Variants in LRRTM4 observed in about 807,000 individuals in gnomAD.
LRRTM4 encodes the protein leucine-rich repeat transmembrane neuronal protein 4.
In LRRTM4, 25 loss-of-function variants were observed where a neutral mutation model predicts 47.6. That is an observed-to-expected ratio of 0.53 (90% CI 0.38 to 0.73). The LOEUF (loss-of-function observed/expected upper bound fraction) is 0.73. LRRTM4 is among the 30% of genes least tolerant of loss of function. The pLI, the probability that LRRTM4 is intolerant of heterozygous loss-of-function variation, is 0.00. For missense variants in LRRTM4, 638 were observed against 713.4 expected (o/e 0.89, Z 1.20); for synonymous variants, 311 against 269.5 (o/e 1.15, Z -1.51).
chr2:77,277,606 A>G (rs1420340028), intron 3 of LRRTM4, among the ~76,000 whole-genome samples: 1 of 152,054 alleles, frequency 6.6e-6, no homozygotes, highest in Non-Finnish European at 1.5e-5. Flanking sequence ...AAGCCACTGG[A>G]GAATGGTAAT....
At chr2:77,268,511 C>T (rs1179135811) in intron 3 of LRRTM4, among the ~76,000 whole-genome samples, 2 of 152,128 alleles carry the variant, frequency 1.3e-5, no homozygotes, top group Non-Finnish European at 2.9e-5. Flanking sequence ...AGTCTTCTAA[C>T]TGCTTTTCCA....
intron 3 of LRRTM4, among the ~76,000 whole-genome samples, chr2:77,134,789 G>A (rs532387835): frequency 5.9e-5 from 9 of 151,924 alleles, no homozygotes; most frequent in African/African-American, 9.7e-5. Flanking sequence ...AAAAAAGGGG[G>A]GATATCTTTT....
rs553231539 is a variant in LRRTM4 at position 77,264,303 on chromosome 2, C to T, written c.1551+254015G>A. On this transcript the variant is annotated intron_variant, in intron 3 of 3. Coordinates refer to ENST00000409884, the MANE Select transcript of LRRTM4 (RefSeq NM_001134745.3). ...CCTCAGTGCTTATGCACTAAGAAAG[C>T]GAGAGAGAGGGAGAGAGAGAGACAG... Among the ~76,000 whole-genome samples the T allele has an allele frequency of 2.8e-4, 40 of 145,172 alleles. 1 individual carries two copies. In the Middle Eastern group the frequency reaches 0.01, roughly 38 times the overall value.
chr2:76,927,698 G>C (rs149258983), intron 3 of LRRTM4, among the ~76,000 whole-genome samples: 1 of 152,142 alleles, frequency 6.6e-6, no homozygotes, highest in Admixed American at 6.5e-5. Context: ...TAGTATCCTT[G>C]ATTGTGTATT....
At chr2:77,254,301 A>C (rs558069422) in intron 3 of LRRTM4, among the ~76,000 whole-genome samples, 1 of 152,006 alleles carries the variant, frequency 6.6e-6, no homozygotes, top group African/African-American at 2.4e-5. Flanking sequence ...TTCTATATCA[A>C]GCAAAACTAT....
At chr2:77,203,589 A>G (rs566371460) in intron 3 of LRRTM4, among the ~76,000 whole-genome samples, 1 of 152,310 alleles carries the variant, frequency 6.6e-6, no homozygotes, top group South Asian at 2.1e-4. Context: ...ACAGACAGCC[A>G]TAAGTGTGTG....
intron 3 of LRRTM4, among the ~76,000 whole-genome samples, chr2:76,784,817 G>T (rs1484618219): frequency 6.6e-6 from 1 of 151,946 alleles, no homozygotes; most frequent in African/African-American, 2.4e-5. Flanking sequence ...TCACAAAAAT[G>T]AAATACTAAA....
chr2:76,952,659 C>A (rs1272175993), intron 3 of LRRTM4, among the ~76,000 whole-genome samples: 1 of 151,918 alleles, frequency 6.6e-6, no homozygotes, highest in Non-Finnish European at 1.5e-5. Flanking sequence ...GGAAACAGAG[C>A]TACTGTTTGA....
chr2:77,497,504 T>C (rs922711076), intron 3 of LRRTM4, among the ~76,000 whole-genome samples: 3 of 151,402 alleles, frequency 2.0e-5, no homozygotes, highest in Non-Finnish European at 4.4e-5. Context: ...ATAAGAATCT[T>C]CTTCCACATC....
chr2:77,415,108 G>C (rs1419743909), intron 3 of LRRTM4, among the ~76,000 whole-genome samples: 1 of 152,152 alleles, frequency 6.6e-6, no homozygotes, highest in East Asian at 1.9e-4. Flanking sequence ...GTGCACTACA[G>C]ATCATATTCA....
chr2:76,783,736 C>G (rs1269963199), intron 3 of LRRTM4, among the ~76,000 whole-genome samples: 2 of 152,184 alleles, frequency 1.3e-5, no homozygotes, highest in African/African-American at 4.8e-5. Context: ...ATTTCCCGTA[C>G]AAACCTTTTG....
At chr2:76,939,887 C>T (rs979070694) in intron 3 of LRRTM4, among the ~76,000 whole-genome samples, 5 of 152,076 alleles carry the variant, frequency 3.3e-5, no homozygotes, top group Non-Finnish European at 5.9e-5. Context: ...TTGCTTGATA[C>T]CACTTAATCC....
intron 3 of LRRTM4, among the ~76,000 whole-genome samples, chr2:76,985,538 CG>C (rs1261898019): frequency 1.3e-5 from 2 of 151,872 alleles, no homozygotes; most frequent in African/African-American, 4.8e-5. Flanking sequence ...AACCCAGAGC[CG>C]GGTGAAAGAT....
At chr2:77,254,900 G>GA (rs58575359) in intron 3 of LRRTM4, among the ~76,000 whole-genome samples, 174 of 99,996 alleles carry the variant, frequency 1.7e-3, no homozygotes, top group South Asian at 6.6e-3. Flanking sequence ...AGGGCAAACA[G>GA]AAAAAAAAAA....
chr2:77,167,022 C>T (rs988381729), intron 3 of LRRTM4, among the ~76,000 whole-genome samples: 3 of 152,014 alleles, frequency 2.0e-5, no homozygotes, highest in Non-Finnish European at 1.5e-5. Flanking sequence ...AAGAGGCAAC[C>T]TACAGAATGG....
At position 76,909,248 on chromosome 2, in the gene LRRTM4, A is replaced by T. The variant is rs1673962002; in HGVS notation, c.1552-160332T>A. Among the ~76,000 whole-genome samples, 5 of 152,332 alleles carry T rather than the reference A, an allele frequency of 3.3e-5. No individual in the cohort carries two copies. In the South Asian group the frequency reaches 1.0e-3, roughly 32 times the overall value. Reference sequence around the variant, plus strand: ...GAGAAAAACAAGCAATGGGGAAAGGATTCCCTGTCTAATAAATGGTGCTGG... The same window carrying T: ...GAGAAAAACAAGCAATGGGGAAAGGTTTCCCTGTCTAATAAATGGTGCTGG... On this transcript the variant is annotated intron_variant, in intron 3 of 3. Transcript: ENST00000409884.
At chr2:77,046,418 G>C (rs1173599134) in intron 3 of LRRTM4, among the ~76,000 whole-genome samples, 1 of 151,984 alleles carries the variant, frequency 6.6e-6, no homozygotes, top group Non-Finnish European at 1.5e-5. Context: ...GGAACTGGAA[G>C]TTTAGTGTCA....
At chr2:76,763,835 T>C (rs60813730) in intron 3 of LRRTM4, among the ~76,000 whole-genome samples, 8,862 of 152,228 alleles carry the variant, frequency 0.058, 841 homozygotes, top group African/African-American at 0.2. Context: ...GAGGGTATTC[T>C]GTACATTGTA....
chr2:76,969,530 C>A (rs1040859947), intron 3 of LRRTM4, among the ~76,000 whole-genome samples: 2 of 151,776 alleles, frequency 1.3e-5, no homozygotes, highest in South Asian at 2.1e-4. Context: ...ATTATTGGAA[C>A]CTGTTACTTT....
Sources: allele counts gnomAD v4.1 joint callset (sites outside exome capture counted in the v4.1 genomes callset), GRCh38; gene constraint gnomAD v4.1.1; transcripts MANE v1.5; gene names NCBI Gene and HGNC (gene_info 2026-07-23, HGNC 2026-07-21).